Variants in MCF2L observed in about 807,000 individuals in gnomAD.
MCF2L encodes the protein MCF.2 cell line derived transforming sequence like.
Under a neutral mutation model 153.4 loss-of-function variants are expected in MCF2L, and 97 were observed. The ratio of observed to expected loss-of-function variants is 0.63; its 90% CI spans 0.54 to 0.75. MCF2L has a LOEUF of 0.75. Ranked by LOEUF, MCF2L falls within the 30% of genes least tolerant of loss-of-function variation. The probability of loss-of-function intolerance (pLI) is 0.00; values close to 1 mark genes in which losing one functional copy is unlikely to be tolerated. For missense variants in MCF2L, 1,347 were observed against 1,495.2 expected, an observed-to-expected ratio of 0.90 and a Z score of 1.64; for synonymous variants, 659 against 632.2, an observed-to-expected ratio of 1.04 and a Z score of -0.64.
At chr13:113,012,612 C>G (rs1444590734) in intron 1 of MCF2L, among the ~76,000 whole-genome samples, 1 of 90,038 alleles carries the variant, frequency 1.1e-5, no homozygotes, top group African/African-American at 4.2e-5. Context: ...CACTGTGATG[C>G]GGACGGTGGA....
At chr13:113,026,817 C>T (rs1475883941) in intron 3 of MCF2L, 8 of 635,610 alleles carry the variant, frequency 1.3e-5, no homozygotes, top group Non-Finnish European at 2.0e-5. Context: ...CCAGACAGAG[C>T]TGGGTCCCTG....
At chr13:113,095,875 C>T (rs1290256793) in intron 27 of MCF2L, 5 of 877,058 alleles carry the variant, frequency 5.7e-6, no homozygotes, top group South Asian at 3.7e-5. Flanking sequence ...TTCTAGGCCC[C>T]GGAGACAAAG....
rs553178479 is a variant in MCF2L at position 113,063,592 on chromosome 13, G to A, written c.490-712G>A. Among the ~76,000 whole-genome samples, 18 of 152,290 alleles carry A rather than the reference G, an allele frequency of 1.2e-4. No homozygotes were observed. The East Asian group carries it at 2.5e-3, about 21-fold the overall frequency. On this transcript the variant is annotated intron_variant, in intron 5 of 29. Coordinates refer to ENST00000535094, the MANE Select transcript of MCF2L (RefSeq NM_001112732.3). ...GGCTTGGCTTTGCAAGCAGTCAGACGGGACCACAAAATGGGTCTCCTGAGG... is the reference window on the plus strand; with the variant it reads ...GGCTTGGCTTTGCAAGCAGTCAGACAGGACCACAAAATGGGTCTCCTGAGG...
rs562439713 is a variant in MCF2L at position 113,077,177 on chromosome 13, C to T, written c.1626C>T (p.Pro542=). 9.3e-6 allele frequency: 15 copies of T among 1,604,990 alleles called. 1 individual carries two copies. Among genetic ancestry groups the T allele is most frequent in the South Asian group, 4.4e-5 (4 of 90,130 alleles). The change falls in exon 13 of 30, where the codon CCC becomes CCT. Residue 542 remains proline (P), a synonymous_variant. Coordinates refer to ENST00000535094, the MANE Select transcript of MCF2L (RefSeq NM_001112732.3). ...CCGTGCAGCCGGTGGCCCCCAGACC[C>T]GAGGCACTGGCAAAGTCGCCCTGCC... The part of the protein sequence containing the change: ...TRPVQPVAPR[P]EALAKSPCPS...
At chr13:113,018,020 C>T (rs2084642911) in intron 2 of MCF2L, among the ~76,000 whole-genome samples, 1 of 152,236 alleles carries the variant, frequency 6.6e-6, no homozygotes, top group African/African-American at 2.4e-5. Flanking sequence ...GCCGCGGAGC[C>T]ATGGCTGCCA....
At chr13:112,988,556 C>G (rs2993288) in intron 1 of MCF2L, among the ~76,000 whole-genome samples, 119,960 of 138,764 alleles carry the variant, frequency 0.86, 52,654 homozygotes, top group Non-Finnish European at 0.96. Flanking sequence ...CTACCACACC[C>G]GAGTCCTCCC....
At chr13:113,036,355 G>A (rs1008350729) in intron 3 of MCF2L, among the ~76,000 whole-genome samples, 2 of 152,192 alleles carry the variant, frequency 1.3e-5, no homozygotes, top group African/African-American at 2.4e-5. Flanking sequence ...CTTTTCTTTC[G>A]CTATTTCTTT....
At chr13:112,957,212 C>T (rs1335681632) in intron 2 of MCF2L, 3 of 152,354 alleles carry the variant, frequency 2.0e-5, no homozygotes, top group Non-Finnish European at 2.9e-5. Context: ...GTACGCTCAG[C>T]TCAGCAGGGG....
At chr13:112,931,382 C>T (rs973810990) in intron 2 of MCF2L, among the ~76,000 whole-genome samples, 7 of 152,306 alleles carry the variant, frequency 4.6e-5, no homozygotes, top group Middle Eastern at 3.4e-3. Context: ...GCTGCTCTGC[C>T]GGAAGCTGAA....
intron 1 of MCF2L, among the ~76,000 whole-genome samples, chr13:112,991,483 G>T (rs1471089363): frequency 6.6e-6 from 1 of 152,186 alleles, no homozygotes; most frequent in Non-Finnish European, 1.5e-5. Flanking sequence ...ACATTATCCA[G>T]TTACAGTACT....
chr13:112,905,960 C>T (rs1227736250), intron 2 of MCF2L, among the ~76,000 whole-genome samples: 2 of 152,178 alleles, frequency 1.3e-5, no homozygotes, highest in Non-Finnish European at 2.9e-5. Context: ...AGGTGATTCC[C>T]CCTGGTTCTA....
rs2086751799 is a variant in MCF2L at position 113,045,437 on chromosome 13, T to G, written c.369+76T>G. ...ATGACCGCATGGTGCCCTTCCTCTGTGTCTGCCGCAGTTCCTGCTTTGTGC... is the reference window on the plus strand; with the variant it reads ...ATGACCGCATGGTGCCCTTCCTCTGGGTCTGCCGCAGTTCCTGCTTTGTGC... On this transcript the variant is annotated intron_variant, in intron 4 of 29. Coordinates refer to ENST00000535094, the MANE Select transcript of MCF2L (RefSeq NM_001112732.3). This position sits in a 1 kb window ranked among gnomAD's most constrained non-coding sequence, Gnocchi z 4.2. The G allele has an allele frequency of 8.0e-7, 1 of 1,255,950 alleles. No homozygotes were observed. Among genetic ancestry groups the G allele is most frequent in the Non-Finnish European group, 1.2e-6 (1 of 863,160 alleles). The allele number at this position is 1,255,950 out of a possible 1,614,324, so 77.8% of individuals were successfully genotyped here.
chr13:113,039,692 G>A (rs2086362310), intron 3 of MCF2L, among the ~76,000 whole-genome samples: 1 of 152,186 alleles, frequency 6.6e-6, no homozygotes, highest in Non-Finnish European at 1.5e-5. Context: ...ATAGCCACTA[G>A]ACACAGAAGG....
chr13:113,077,182 C>G lies in MCF2L; in HGVS notation c.1631C>G (p.Ala544Gly). 2 of 1,602,922 alleles carry G rather than the reference C, an allele frequency of 1.2e-6. No individual in the cohort carries two copies. The highest frequency in any genetic ancestry group is 2.2e-5 in the East Asian group (1 of 44,460). The change falls in exon 13 of 30, where the codon GCA becomes GGA. Residue 544 changes from alanine to glycine, a missense_variant. Around this residue, in one of 3 missense-constraint regions of MCF2L, gnomAD observed 820 missense variants for 921.2 expected, o/e 0.89. Transcript: ENST00000535094. ...CAGCCGGTGGCCCCCAGACCCGAGG[C>G]ACTGGCAAAGTCGCCCTGCCCCTCC... ...PVQPVAPRPE[A>G]LAKSPCPSPG...
chr13:113,096,389 G>C lies in MCF2L; in HGVS notation c.3094G>C (p.Val1032Leu), dbSNP rs1240866230. The change falls in exon 28 of 30, where the codon GTC (valine) becomes CTC (leucine). Residue 1032 changes from valine (V) to leucine (L), a missense_variant. Val to Leu is a conservative substitution (Grantham distance 32). This residue lies in a region of MCF2L where 383 missense variants were observed against 335.4 expected (regional missense o/e 1.14). Transcript: ENST00000535094. ...PKKLVPGKYT[V>L]VADHEKGGPD... Reference sequence around the variant, plus strand: ...CCACCAGGTTCCAGGTAAATACACGGTCGTGGCGGACCACGAGAAGGGAGG... The same window carrying C: ...CCACCAGGTTCCAGGTAAATACACGCTCGTGGCGGACCACGAGAAGGGAGG... 2.5e-6 allele frequency: 4 copies of C among 1,584,922 alleles called. No individual in the cohort carries two copies. The highest frequency in any genetic ancestry group is 1.8e-4 in the Middle Eastern group (1 of 5,682).
At chr13:113,006,514 C>T (rs2083706270) in intron 1 of MCF2L, among the ~76,000 whole-genome samples, 1 of 152,208 alleles carries the variant, frequency 6.6e-6, no homozygotes, top group Non-Finnish European at 1.5e-5. Flanking sequence ...GACCCCTAGC[C>T]ATTCCAGGTG....
At chr13:113,096,690 G>A (rs1385707931) in intron 29 of MCF2L, 37 bp downstream of exon 29, 6 of 1,561,270 alleles carry the variant, frequency 3.8e-6, no homozygotes, top group African/African-American at 1.4e-5. Context: ...CCGTGACGCT[G>A]CCAAGGGCCC....
chr13:113,074,752 C>T lies in MCF2L; in HGVS notation c.1116+189C>T, dbSNP rs2141917321. On this transcript the variant is annotated intron_variant, in intron 10 of 29. Coordinates refer to ENST00000535094, the MANE Select transcript of MCF2L (RefSeq NM_001112732.3). The surrounding 1 kb of genome is among the most constrained non-coding windows in gnomAD (Gnocchi z 4.2). ...CCCACACCCCACCCACAGCACATGGCCCTGCCCGGCCTCCTCTGGGTCAGG... is the reference window on the plus strand; with the variant it reads ...CCCACACCCCACCCACAGCACATGGTCCTGCCCGGCCTCCTCTGGGTCAGG... Among the ~76,000 whole-genome samples the T allele has an allele frequency of 6.6e-6, 1 of 152,182 alleles. No homozygotes were observed. The highest frequency in any genetic ancestry group is 2.4e-5 in the African/African-American group (1 of 41,550).
In MCF2L at chr13:113,027,146, G is replaced by A; in HGVS notation, c.278+2388G>A. On this transcript the variant is annotated intron_variant, in intron 3 of 29. Transcript: ENST00000535094. This position sits in a 1 kb window ranked among gnomAD's most constrained non-coding sequence, Gnocchi z 4.8. ...GTTTAACCATCAGCGTGAAAGTGCA[G>A]CCGTGGCCATTACCGTGAAGGTTCT... The A allele has an allele frequency of 1.3e-5, 9 of 691,642 alleles. No homozygotes were observed. Among genetic ancestry groups the A allele is most frequent in the South Asian group, 6.1e-5 (4 of 65,194 alleles). 42.8% of individuals were successfully genotyped at this position (691,642 alleles called of 1,614,324 possible). A position where few individuals can be genotyped will look rare whatever the true frequency, so the allele number is the denominator to read the frequency against.
Sources: gnomAD v4.1 joint callset for allele counts (sites outside exome capture counted in the v4.1 genomes callset) on GRCh38, gnomAD v4.1.1 for gene constraint, gnomAD v4.1.1 regional missense constraint, Gnocchi (gnomAD v3.1) non-coding constraint, MANE v1.5 for transcripts, NCBI Gene and HGNC (gene_info 2026-07-23, HGNC 2026-07-21) for gene names.